OSTC: variants seen among roughly 807,000 people sequenced by gnomAD.
OSTC encodes the protein oligosaccharyltransferase complex subunit OSTC.
A neutral mutation model predicts 16.4 loss-of-function variants in OSTC; 16 were observed. That is an observed-to-expected ratio of 0.98 (90% CI 0.66 to 1.49). OSTC has a LOEUF of 1.49. OSTC is among the 40% of genes most tolerant of loss of function. The pLI is 0.00. For missense variants in OSTC, 139 were observed against 186.3 expected (o/e 0.75, Z 1.48); for synonymous variants, 67 against 68.5 (o/e 0.98, Z 0.11).
At position 108,650,622 on chromosome 4, in the gene OSTC, C is replaced by T. The variant is rs773275773; in HGVS notation, c.-34C>T. On this transcript the variant is annotated 5_prime_UTR_variant, in exon 1 of 4. Transcript: ENST00000361564. ...GCCTGTTTCCGGGAGGCGCGTGGGG[C>T]TTGAGGCCGAGAACGGCCCTTGCTG... 4 of 1,610,502 alleles carry T rather than the reference C, an allele frequency of 2.5e-6. No homozygotes were observed. The highest frequency in any genetic ancestry group is 1.3e-5 in the African/African-American group (1 of 74,822).
Position 108,650,814 on chromosome 4 carries a change from C to T in OSTC, c.139+20C>T. On this transcript the variant is annotated intron_variant, in intron 1 of 3. Transcript: ENST00000361564. ...CCGGAGGTAACTCGGGCTGTCGGGC[C>T]CGAGAGGCTGAGGAGCGGAGAACTG... is the stretch of plus-strand genomic sequence containing the variant. The T allele has an allele frequency of 6.2e-7, 1 of 1,614,018 alleles. No homozygotes were observed. The highest frequency in any genetic ancestry group is 8.5e-7 in the Non-Finnish European group (1 of 1,179,962).
intron 3 of OSTC, among the ~76,000 whole-genome samples, chr4:108,661,324 G>A (rs1726852294): frequency 6.6e-6 from 1 of 151,630 alleles, no homozygotes. Flanking sequence ...ATTTTTATTA[G>A]TACAGTCTCA....
chr4:108,650,974 C>G (rs1043822557), intron 1 of OSTC, 180 bp downstream of exon 1: 2 of 811,568 alleles, frequency 2.5e-6, no homozygotes, highest in African/African-American at 3.5e-5. Flanking sequence ...TTCGCCTTCA[C>G]GCCCTGTCTT....
intron 3 of OSTC, among the ~76,000 whole-genome samples, chr4:108,660,909 A>G (rs1726839501): frequency 6.6e-6 from 1 of 152,150 alleles, no homozygotes; most frequent in Admixed American, 6.5e-5. Flanking sequence ...TGAGTTTTGA[A>G]GAAACGTCGA....
intron 3 of OSTC, among the ~76,000 whole-genome samples, chr4:108,666,660 G>A (rs867110167): frequency 1.3e-4 from 19 of 147,854 alleles, no homozygotes; most frequent in Non-Finnish European, 2.5e-4. Context: ...GCAGTGAGCC[G>A]AGATTGCACC....
intron 3 of OSTC, among the ~76,000 whole-genome samples, chr4:108,666,913 G>A (rs192667056): frequency 3.4e-4 from 52 of 151,476 alleles, no homozygotes; most frequent in African/African-American, 1.2e-3. Flanking sequence ...GCTGAGGCAG[G>A]AGAACCACTT....
At chr4:108,656,835 C>T (rs1353867918) in intron 2 of OSTC, among the ~76,000 whole-genome samples, 1 of 152,160 alleles carries the variant, frequency 6.6e-6, no homozygotes, top group Non-Finnish European at 1.5e-5. Context: ...CGCAGTGGCT[C>T]ACGCCTGTAA....
chr4:108,661,985 G>C (rs1473466856), intron 3 of OSTC, among the ~76,000 whole-genome samples: 1 of 152,192 alleles, frequency 6.6e-6, no homozygotes, highest in Non-Finnish European at 1.5e-5. Context: ...TGTTCAATTG[G>C]AGATGGAGGG....
chr4:108,651,013 CCTTT>C (rs1365027653), intron 1 of OSTC: 1 of 562,280 alleles, frequency 1.8e-6, no homozygotes, highest in Non-Finnish European at 3.0e-6. Flanking sequence ...ACTCCCATTG[CCTTT>C]CTTCTCCTTC....
intron 2 of OSTC, among the ~76,000 whole-genome samples, chr4:108,656,874 C>T (rs1232696341): frequency 1.3e-5 from 2 of 152,028 alleles, no homozygotes; most frequent in African/African-American, 2.4e-5. Context: ...CCGAGATGGG[C>T]GGATCACGAG....
intron 1 of OSTC, among the ~76,000 whole-genome samples, chr4:108,651,746 G>A (rs911089887): frequency 3.3e-5 from 5 of 152,118 alleles, no homozygotes; most frequent in Admixed American, 6.5e-5. Context: ...TTAAAGCTAC[G>A]GATTTGGGAT....
intron 3 of OSTC, among the ~76,000 whole-genome samples, chr4:108,662,335 T>C (rs1194716583): frequency 9.9e-5 from 15 of 152,200 alleles, no homozygotes; most frequent in Admixed American, 7.9e-4. Context: ...ACTAAAACAT[T>C]GTATTCATTT....
At chr4:108,667,157 A>AT (rs1680364614) in intron 3 of OSTC, 90 bp from the exon 4 acceptor site, 1 of 1,018,026 alleles carries the variant, frequency 9.8e-7, no homozygotes, top group Non-Finnish European at 1.5e-6. Context: ...ATATCATAAA[A>AT]TTTGTTTTGG....
intron 3 of OSTC, among the ~76,000 whole-genome samples, chr4:108,664,738 C>T (rs1027000411): frequency 2.0e-5 from 3 of 151,760 alleles, no homozygotes; most frequent in East Asian, 1.9e-4. Context: ...GGACTACAGG[C>T]ATGCACTACC....
At chr4:108,656,997 G>T (rs1380838379) in intron 2 of OSTC, among the ~76,000 whole-genome samples, 8 of 151,846 alleles carry the variant, frequency 5.3e-5, no homozygotes, top group Non-Finnish European at 8.8e-5. Flanking sequence ...GATCTGGGAG[G>T]TGGAGGTTGC....
chr4:108,667,482 G>T lies in OSTC; in HGVS notation c.*217G>T. On this transcript the variant is annotated 3_prime_UTR_variant, in exon 4 of 4. Transcript: ENST00000361564. Reference sequence around the variant, plus strand: ...TATCACAGAATTTTTTTTCCTGCTGGCCTATTGCTATACCAATGATGTTGA... The same window carrying T: ...TATCACAGAATTTTTTTTCCTGCTGTCCTATTGCTATACCAATGATGTTGA... The T allele has an allele frequency of 2.4e-6, 1 of 414,606 alleles. No individual in the cohort carries two copies. The highest frequency in any genetic ancestry group is 4.3e-6 in the Non-Finnish European group (1 of 231,744). The allele number at this position is 414,606 out of a possible 1,614,324, so 25.7% of individuals were successfully genotyped here.
At chr4:108,657,706 A>C in intron 3 of OSTC, 59 bp downstream of exon 3, 1 of 1,420,304 alleles carries the variant, frequency 7.0e-7, no homozygotes, top group East Asian at 2.3e-5. Context: ...ATTACCTGGA[A>C]AATGTAAAGT....
chr4:108,663,119 G>C (rs900962776), intron 3 of OSTC: 1 of 434,548 alleles, frequency 2.3e-6, no homozygotes, highest in East Asian at 7.1e-5. Context: ...ATCAATGTCA[G>C]TGTTTTCATT....
At chr4:108,664,516 C>T (rs1347142536) in intron 3 of OSTC, among the ~76,000 whole-genome samples, 1 of 57,232 alleles carries the variant, frequency 1.7e-5, no homozygotes, top group Non-Finnish European at 3.4e-5. Context: ...CTTTTTGTGA[C>T]ACATCAGGCA....
Sources: gnomAD v4.1 joint callset for allele counts (sites outside exome capture counted in the v4.1 genomes callset) on GRCh38, gnomAD v4.1.1 for gene constraint, MANE v1.5 for transcripts, NCBI Gene and HGNC (gene_info 2026-07-23, HGNC 2026-07-21) for gene names.